Variants in SLC25A44 observed in about 807,000 individuals in gnomAD.
SLC25A44 encodes the protein solute carrier family 25, member 44.
SLC25A44 carries 17 observed loss-of-function variants against 29.9 expected under a neutral mutation model. The ratio of observed to expected loss-of-function variants is 0.57; its 90% CI spans 0.39 to 0.85. The LOEUF is 0.85. Among genes scored for constraint, SLC25A44 ranks in the 40% least tolerant of loss-of-function variants. The pLI, the probability that SLC25A44 is intolerant of heterozygous loss-of-function variation, is 0.00. For missense variants in SLC25A44, 302 were observed against 398.4 expected (o/e 0.76, Z 2.06); for synonymous variants, 140 against 151.8 (o/e 0.92, Z 0.57).
chr1:156,206,481 GC>G (rs996314162), intron 2 of SLC25A44, among the ~76,000 whole-genome samples: 4 of 151,910 alleles, frequency 2.6e-5, no homozygotes, highest in Admixed American at 2.6e-4. Flanking sequence ...CAGGTGATCT[GC>G]CCACCTCTGC....
chr1:156,204,496 G>C (rs1307362233), intron 2 of SLC25A44, among the ~76,000 whole-genome samples: 2 of 151,744 alleles, frequency 1.3e-5, no homozygotes, highest in African/African-American at 2.4e-5. Flanking sequence ...TGGTTTTTTT[G>C]TTTGTTTCAA....
chr1:156,204,351 C>A (rs1295877212), intron 2 of SLC25A44, among the ~76,000 whole-genome samples: 43 of 152,184 alleles, frequency 2.8e-4, no homozygotes, highest in Non-Finnish European at 2.9e-5. Flanking sequence ...TGTGTTTCAT[C>A]TTCTCCCCAA....
chr1:156,207,872 T>A lies in SLC25A44; in HGVS notation c.626-14T>A. ...GCTTTGTGTCTTTAGCCATTGTCTT[T>A]CCCTGGATTCCAGAGCAGCTCTCCT... is the stretch of plus-strand genomic sequence containing the variant. On this transcript the variant is annotated splice_polypyrimidine_tract_variant and intron_variant, in intron 2 of 3. Transcript: ENST00000359511. 1 of 1,613,776 alleles carries A rather than the reference T, an allele frequency of 6.2e-7. No individual in the cohort carries two copies. The highest frequency in any genetic ancestry group is 1.3e-5 in the African/African-American group (1 of 75,004).
rs1280387917 is a variant in SLC25A44, at chr1:156,200,763, T to TG, written c.625+294dup. Among the ~76,000 whole-genome samples, 8 of 151,430 alleles carry TG rather than the reference T, an allele frequency of 5.3e-5. No individual in the cohort carries two copies. In the East Asian group the frequency reaches 1.5e-3, roughly 29 times the overall value. ...GGAAGGTGGGGGAGGACAAAAGCCA[T>TG]GGGATGTTTAGGATTTGAAGTTTAG... On this transcript the variant is annotated intron_variant, in intron 2 of 3. Coordinates refer to ENST00000359511, the MANE Select transcript of SLC25A44 (RefSeq NM_014655.4).
At chr1:156,204,811 C>G (rs1194336572) in intron 2 of SLC25A44, among the ~76,000 whole-genome samples, 5 of 151,998 alleles carry the variant, frequency 3.3e-5, no homozygotes, top group Middle Eastern at 6.8e-3. Context: ...ATGCCTTTTT[C>G]TTGGGAGAAA....
At chr1:156,210,166 C>A in intron 3 of SLC25A44, 74 bp from the exon 4 acceptor site, 2 of 1,128,550 alleles carry the variant, frequency 1.8e-6, no homozygotes, top group Non-Finnish European at 2.5e-6. Flanking sequence ...CCCACTTTAG[C>A]CTAAGGCAGA....
At chr1:156,195,508 G>C (rs1408689443) in intron 1 of SLC25A44, among the ~76,000 whole-genome samples, 1 of 152,200 alleles carries the variant, frequency 6.6e-6, no homozygotes, top group Non-Finnish European at 1.5e-5. Flanking sequence ...GTTAATAACA[G>C]AGTCCAAATT....
intron 1 of SLC25A44, among the ~76,000 whole-genome samples, chr1:156,194,699 G>A (rs1656099828): frequency 6.6e-6 from 1 of 152,092 alleles, no homozygotes; most frequent in South Asian, 2.1e-4. Context: ...AGGACAGGTG[G>A]GCAAGCATGT....
At chr1:156,209,188 G>T (rs1413959965) in intron 3 of SLC25A44, among the ~76,000 whole-genome samples, 3 of 152,188 alleles carry the variant, frequency 2.0e-5, no homozygotes, top group Admixed American at 2.0e-4. Flanking sequence ...AGTGCACAGG[G>T]TCAGTCCTCA....
In SLC25A44 at chr1:156,198,634, AGAGACGGAGTCTCCCT is replaced by A. The variant is rs1346035458; in HGVS notation, c.-13-1200_-13-1185del. On this transcript the variant is annotated intron_variant, in intron 1 of 3. Transcript: ENST00000359511. This position sits in a 1 kb window ranked among gnomAD's most constrained non-coding sequence, Gnocchi z 4.1. The stretch of plus-strand genomic sequence containing the variant: ...TGGCTAACTTATTTTTATATATTGT[AGAGACGGAGTCTCCCT>A]ATGTTGCCTAGGCTGACCTTGAGCT... 6 of 152,104 alleles carry A rather than the reference AGAGACGGAGTCTCCCT, an allele frequency of 3.9e-5. No individual in the cohort carries two copies. The highest frequency in any genetic ancestry group is 7.2e-5 in the African/African-American group (3 of 41,416). 9.4% of individuals were successfully genotyped at this position (152,104 alleles called of 1,614,324 possible).
chr1:156,204,887 G>C (rs956585193), intron 2 of SLC25A44, among the ~76,000 whole-genome samples: 1 of 152,170 alleles, frequency 6.6e-6, no homozygotes, highest in Non-Finnish European at 1.5e-5. Context: ...TTCTGGGGAA[G>C]AGAGTATATA....
intron 2 of SLC25A44, among the ~76,000 whole-genome samples, chr1:156,203,822 G>A (rs2103043307): frequency 6.7e-6 from 1 of 149,446 alleles, no homozygotes; most frequent in East Asian, 2.0e-4. Flanking sequence ...TCCTGCCTCA[G>A]CCTCCCGAGT....
chr1:156,201,192 T>C (rs1656556863), intron 2 of SLC25A44, among the ~76,000 whole-genome samples: 1 of 152,168 alleles, frequency 6.6e-6, no homozygotes. Flanking sequence ...AATGTATCTT[T>C]GTTCATAAGA....
At chr1:156,210,197 T>C (rs1657204051) in intron 3 of SLC25A44, 43 bp from the exon 4 acceptor site, 1 of 1,409,696 alleles carries the variant, frequency 7.1e-7, no homozygotes, top group Non-Finnish European at 9.6e-7. Flanking sequence ...GCAGAGGGGC[T>C]CTGACTACAG....
Position 156,210,233 on chromosome 1 carries a change from T to C in SLC25A44, c.754-7T>C, listed in dbSNP as rs1657207161. The C allele has an allele frequency of 6.5e-7, 1 of 1,540,938 alleles. No individual in the cohort carries two copies. Among genetic ancestry groups the C allele is most frequent in the Non-Finnish European group, 8.8e-7 (1 of 1,141,540 alleles). ...ACAATGGCCCTCCACTGTGTTGACT[T>C]TTCCAGGTTGAGGGCAAGAACTCCA... On this transcript the variant is annotated splice_polypyrimidine_tract_variant and splice_region_variant and intron_variant, in intron 3 of 3. Coordinates refer to ENST00000359511, the MANE Select transcript of SLC25A44 (RefSeq NM_014655.4).
chr1:156,207,455 A>C (rs1323967190), intron 2 of SLC25A44, among the ~76,000 whole-genome samples: 1 of 151,302 alleles, frequency 6.6e-6, no homozygotes, highest in East Asian at 1.9e-4. Flanking sequence ...CTGGGATTAC[A>C]GGCGTGAGCC....
chr1:156,210,361 T>G lies in SLC25A44; in HGVS notation c.875T>G (p.Ile292Ser), dbSNP rs752510322. Residue 292 changes from isoleucine to serine, a missense_variant, in exon 4 of 4, where the codon ATT becomes AGT. Coordinates refer to ENST00000359511, the MANE Select transcript of SLC25A44 (RefSeq NM_014655.4). ...TCAGCCACACCTTCCACCATTGTCA[T>G]TGTGGTGGGCTATGAGAGCCTCAAG... ...IISATPSTIV[I>S]VVGYESLKKL... The G allele has an allele frequency of 6.2e-7, 1 of 1,608,990 alleles. No individual in the cohort carries two copies. Among genetic ancestry groups the G allele is most frequent in the African/African-American group, 1.3e-5 (1 of 74,738 alleles).
chr1:156,210,184 T>C (rs888588267), intron 3 of SLC25A44, 56 bp from the exon 4 acceptor site: 35 of 1,308,924 alleles, frequency 2.7e-5, no homozygotes, highest in Non-Finnish European at 3.4e-5. Context: ...AGAGGGAGAT[T>C]GAGCAGAGGG....
chr1:156,202,804 A>G (rs992494556), intron 2 of SLC25A44, among the ~76,000 whole-genome samples: 3 of 152,214 alleles, frequency 2.0e-5, no homozygotes, highest in Non-Finnish European at 4.4e-5. Context: ...CATGTGTGCC[A>G]GGGCTCTGTG....
Sources: allele counts gnomAD v4.1 joint callset (sites outside exome capture counted in the v4.1 genomes callset), GRCh38; gene constraint gnomAD v4.1.1; non-coding constraint Gnocchi (gnomAD v3.1); transcripts MANE v1.5; gene names NCBI Gene and HGNC (gene_info 2026-07-23, HGNC 2026-07-21).